RGS4: variants seen among roughly 807,000 people sequenced by gnomAD.
RGS4 encodes the protein regulator of G protein signaling 4, also known as schizophrenia disorder 9.
In RGS4, 15 loss-of-function variants were observed where a neutral mutation model predicts 21.6. That is an observed-to-expected ratio of 0.69 (90% confidence interval 0.46 to 1.07). The LOEUF (loss-of-function observed/expected upper bound fraction) is 1.07, where lower values mean the gene tolerates loss of function less well. Among genes scored for constraint, RGS4 ranks in the 50% least tolerant of loss-of-function variants. The pLI, the probability that RGS4 is intolerant of heterozygous loss-of-function variation, is 0.00. For missense variants in RGS4, 237 were observed against 239.0 expected, an observed-to-expected ratio of 0.99 and a Z score of 0.06; for synonymous variants, 94 against 85.5, an observed-to-expected ratio of 1.10 and a Z score of -0.55.
In RGS4 at chr1:163,072,421, G is replaced by C; in HGVS notation, c.71G>C (p.Gly24Ala). 3 of 1,613,058 alleles carry C rather than the reference G, an allele frequency of 1.9e-6. No homozygotes were observed. The highest frequency in any genetic ancestry group is 2.5e-6 in the Non-Finnish European group (3 of 1,179,438). Residue 24 changes from glycine (G) to alanine (A), a missense_variant, in exon 2 of 5, where the codon GGT becomes GCT. Transcript: ENST00000367909. ...GCAAAAGATATGAAACATCGGCTAG[G>C]TTTCCTGCTGCAAAAATCTGATTCC... ...RSAKDMKHRL[G>A]FLLQKSDSCE...
rs760144424 is a variant in RGS4, at chr1:163,069,430, C to T, written c.-55C>T. On this transcript the variant is annotated 5_prime_UTR_variant, in exon 1 of 5. Coordinates refer to ENST00000367909, the MANE Select transcript of RGS4 (RefSeq NM_005613.6). ...CAAAGTACGCTCAAAGCCGAAGCCA[C>T]AGCTCCTCCTGCCGCATTTCTTTCC... 1.2e-5 allele frequency: 20 copies of T among 1,612,150 alleles called. No homozygotes were observed. Among genetic ancestry groups the T allele is most frequent in the Non-Finnish European group, 1.5e-5 (18 of 1,179,282 alleles).
chr1:163,069,052 T>A (rs1219040679), upstream of RGS4: 2 of 1,549,582 alleles, frequency 1.3e-6, no homozygotes, highest in Non-Finnish European at 1.7e-6. Flanking sequence ...CTTGATATTT[T>A]TTTTTTACAG....
At chr1:163,069,172 C>T (rs1655217490), upstream of RGS4, 1 of 1,499,436 alleles carries the variant, frequency 6.7e-7, no homozygotes, top group East Asian at 2.5e-5. Flanking sequence ...TTCCCATATC[C>T]CTACTTTTCA....
Position 163,076,105 on chromosome 1 carries a change from G to A in RGS4, c.*1545G>A, listed in dbSNP as rs1422069618. 2 of 152,524 alleles carry A rather than the reference G, an allele frequency of 1.3e-5. No individual in the cohort carries two copies. Among genetic ancestry groups the A allele is most frequent in the Non-Finnish European group, 2.9e-5 (2 of 68,026 alleles). 9.4% of individuals were successfully genotyped at this position (152,524 alleles called of 1,614,324 possible). A position where few individuals can be genotyped will look rare whatever the true frequency, so the allele number is the denominator to read the frequency against. ...ATTATTATATTGTTTTATAAATGGA[G>A]GTACAGGATATCACCTGAATTATTA... is the stretch of plus-strand genomic sequence containing the variant. On this transcript the variant is annotated 3_prime_UTR_variant, in exon 5 of 5. Coordinates refer to ENST00000367909, the MANE Select transcript of RGS4 (RefSeq NM_005613.6).
upstream of RGS4, chr1:163,068,987 T>C: frequency 6.2e-7 from 1 of 1,605,400 alleles, no homozygotes; most frequent in Non-Finnish European, 8.5e-7. Flanking sequence ...GGGAGTCAGC[T>C]CCTAAGTAAG....
rs1468216060 is a variant in RGS4 at position 163,073,340 on chromosome 1, A to C, written c.212-116A>C. On this transcript the variant is annotated intron_variant, in intron 3 of 4. Transcript: ENST00000367909. ...GGTGACTTGAAAAAAGCAGGGGAAAAAGGGATTGCTTGAATCCATGCTTTA... is the reference window on the plus strand; with the variant it reads ...GGTGACTTGAAAAAAGCAGGGGAAACAGGGATTGCTTGAATCCATGCTTTA... 4.8e-6 allele frequency: 4 copies of C among 837,124 alleles called. No homozygotes were observed. In the Admixed American group the frequency reaches 8.4e-5, roughly 18 times the overall value. The allele number at this position is 837,124 out of a possible 1,614,324, so 51.9% of individuals were successfully genotyped here.
chr1:163,072,289 G>A, intron 1 of RGS4, 106 bp from the exon 2 acceptor site: 1 of 953,686 alleles, frequency 1.0e-6, no homozygotes. Flanking sequence ...TCCCTAAACT[G>A]TCTCTGAGCC....
intron 1 of RGS4, chr1:163,070,470 C>T (rs1435341208): frequency 6.6e-6 from 1 of 152,064 alleles, no homozygotes; most frequent in Admixed American, 6.6e-5. Flanking sequence ...TCTCAGAAAA[C>T]ATAATTTTTT....
At position 163,074,517 on chromosome 1, in the gene RGS4, A is replaced by G. The variant is rs756637182; in HGVS notation, c.575A>G (p.Lys192Arg). The G allele has an allele frequency of 2.5e-6, 4 of 1,613,836 alleles. No homozygotes were observed. In the African/African-American group the frequency reaches 5.3e-5, roughly 22 times the overall value. The stretch of plus-strand genomic sequence containing the variant: ...GGGGCAGAAAAGCAGAAAGGAGCCA[A>G]GAGTTCAGCAGACTGTGCTTCCCTG... Reference protein sequence around the residue: ...SCGAEKQKGAKSSADCASLVP... With the variant: ...SCGAEKQKGARSSADCASLVP... Residue 192 changes from lysine (K) to arginine (R), a missense_variant, in exon 5 of 5, where the codon AAG becomes AGG. Lys to Arg is a conservative substitution (Grantham distance 26). Transcript: ENST00000367909.
intron 2 of RGS4, 107 bp from the exon 3 acceptor site, chr1:163,072,698 T>C (rs1655360549): frequency 3.9e-6 from 4 of 1,030,140 alleles, no homozygotes; most frequent in South Asian, 3.0e-5. Context: ...TATTTTGTCA[T>C]AACGATGGAA....
In RGS4 at chr1:163,069,554, A is replaced by G. The variant is rs1401011245; in HGVS notation, c.44+26A>G. 4.4e-6 allele frequency: 7 copies of G among 1,589,146 alleles called. No individual in the cohort carries two copies. The South Asian group carries it at 5.5e-5, about 13-fold the overall frequency. ...GTAAGATTGCTTTCAGCCATTAACC[A>G]TATTAAACTTTTGGCTAGACTTTCT... On this transcript the variant is annotated intron_variant, in intron 1 of 4. Coordinates refer to ENST00000367909, the MANE Select transcript of RGS4 (RefSeq NM_005613.6).
Position 163,076,662 on chromosome 1 carries a change from T to A in RGS4, c.*2102T>A, listed in dbSNP as rs934190737. The stretch of plus-strand genomic sequence containing the variant: ...CACTATTTCCAATGGTGAGCTTGCC[T>A]GCTCATGCTCCCTGGACAGAATACT... On this transcript the variant is annotated 3_prime_UTR_variant, in exon 5 of 5. Transcript: ENST00000367909. 3 of 152,262 alleles carry A rather than the reference T, an allele frequency of 2.0e-5. No homozygotes were observed. Among genetic ancestry groups the A allele is most frequent in the Admixed American group, 6.6e-5 (1 of 15,256 alleles). 9.4% of individuals were successfully genotyped at this position (152,262 alleles called of 1,614,324 possible). A position where few individuals can be genotyped will look rare whatever the true frequency, so the allele number is the denominator to read the frequency against.
chr1:163,073,112 GA>G (rs1374086303), intron 3 of RGS4, among the ~76,000 whole-genome samples: 2 of 151,924 alleles, frequency 1.3e-5, no homozygotes, highest in Admixed American at 1.3e-4. Context: ...ACGGAAGAGA[GA>G]AAAAAAATGA....
Position 163,069,457 on chromosome 1 carries a change from G to A in RGS4, c.-28G>A, listed in dbSNP as rs11544156. 6 of 1,613,382 alleles carry A rather than the reference G, an allele frequency of 3.7e-6. No homozygotes were observed. The highest frequency in any genetic ancestry group is 3.3e-5 in the South Asian group (3 of 91,048). On this transcript the variant is annotated 5_prime_UTR_variant, in exon 1 of 5. Transcript: ENST00000367909. ...GCTCCTCCTGCCGCATTTCTTTCCT[G>A]CTTGCGAATTCCAAGCTGTTAAATA... is the stretch of plus-strand genomic sequence containing the variant.
At position 163,074,887 on chromosome 1, in the gene RGS4, G is replaced by C; in HGVS notation, c.*327G>C. ...CCTCCTCCCAACAGTTTTACCTCGGGATGGTTGGTTAGTGCATGTCACATG... is the reference window on the plus strand; with the variant it reads ...CCTCCTCCCAACAGTTTTACCTCGGCATGGTTGGTTAGTGCATGTCACATG... On this transcript the variant is annotated 3_prime_UTR_variant, in exon 5 of 5. Transcript: ENST00000367909. 1.7e-6 allele frequency: 1 copy of C among 593,084 alleles called. No homozygotes were observed. The highest frequency in any genetic ancestry group is 1.9e-5 in the African/African-American group (1 of 53,716). 36.7% of individuals were successfully genotyped at this position (593,084 alleles called of 1,614,324 possible).
At chr1:163,069,640 G>GT in intron 1 of RGS4, 112 bp downstream of exon 1, 1 of 857,400 alleles carries the variant, frequency 1.2e-6, no homozygotes, top group South Asian at 1.7e-5. Flanking sequence ...AGTGTGGTCA[G>GT]GAGAGCACGA....
In RGS4 at chr1:163,074,869, C is replaced by T. The variant is rs373276299; in HGVS notation, c.*309C>T. On this transcript the variant is annotated 3_prime_UTR_variant, in exon 5 of 5. Coordinates refer to ENST00000367909, the MANE Select transcript of RGS4 (RefSeq NM_005613.6). The stretch of plus-strand genomic sequence containing the variant: ...AAAGATTGTTGGCAGTTTCCTCCTC[C>T]CAACAGTTTTACCTCGGGATGGTTG... The T allele has an allele frequency of 6.7e-5, 40 of 598,012 alleles. No homozygotes were observed. Among genetic ancestry groups the T allele is most frequent in the African/African-American group, 6.1e-4 (33 of 53,810 alleles). The allele number at this position is 598,012 out of a possible 1,614,324, so 37.0% of individuals were successfully genotyped here.
chr1:163,074,088 C>T (rs948981881), intron 4 of RGS4: 2 of 536,664 alleles, frequency 3.7e-6, no homozygotes, highest in African/African-American at 1.9e-5. Flanking sequence ...ATGAATCTCC[C>T]CAATTTGTTA....
At chr1:163,071,534 C>T (rs570491218) in intron 1 of RGS4, among the ~76,000 whole-genome samples, 14 of 151,944 alleles carry the variant, frequency 9.2e-5, no homozygotes, top group African/African-American at 3.4e-4. Flanking sequence ...ATTAAAAGAC[C>T]CCCTTTTTCT....
Sources: gnomAD v4.1 joint callset for allele counts (sites outside exome capture counted in the v4.1 genomes callset) on GRCh38, gnomAD v4.1.1 for gene constraint, MANE v1.5 for transcripts, NCBI Gene and HGNC (gene_info 2026-07-23, HGNC 2026-07-21) for gene names.